Variants in TESC observed in about 807,000 individuals in gnomAD.
TESC encodes calcineurin B homologous protein 3.
TESC carries 19 observed loss-of-function variants against 31.0 expected under a neutral mutation model. That is an observed-to-expected ratio of 0.61 (90% CI 0.43 to 0.90). The LOEUF is 0.90. TESC is among the 40% of genes least tolerant of loss of function. The pLI is 0.00. For missense variants in TESC, 248 were observed against 303.8 expected (o/e 0.82, Z 1.36); for synonymous variants, 109 against 114.8 (o/e 0.95, Z 0.32).
chr12:117,079,885 T>G (rs1002454985), intron 1 of TESC, among the ~76,000 whole-genome samples: 1 of 152,208 alleles, frequency 6.6e-6, no homozygotes, highest in Non-Finnish European at 1.5e-5. Flanking sequence ...TCATGGTGTG[T>G]GAATTATATC....
intron 6 of TESC, among the ~76,000 whole-genome samples, chr12:117,043,005 A>G (rs1018839248): frequency 1.3e-5 from 2 of 152,048 alleles, no homozygotes; most frequent in South Asian, 2.1e-4. Context: ...GTTGATCTGT[A>G]TGTCTCACTC....
chr12:117,079,371 G>A (rs1955115230), intron 1 of TESC, among the ~76,000 whole-genome samples: 1 of 152,032 alleles, frequency 6.6e-6, no homozygotes, highest in Non-Finnish European at 1.5e-5. Flanking sequence ...AAACCAGCCT[G>A]GCCAACATGC....
intron 2 of TESC, among the ~76,000 whole-genome samples, chr12:117,059,100 G>T (rs1034118081): frequency 1.3e-5 from 2 of 152,236 alleles, no homozygotes; most frequent in African/African-American, 4.8e-5. Flanking sequence ...GAGGACGTCC[G>T]GGTGGGAAGT....
chr12:117,039,309 C>A, intron 7 of TESC, 99 bp from the exon 8 acceptor site: 1 of 1,142,296 alleles, frequency 8.8e-7, no homozygotes, highest in South Asian at 1.3e-5. Context: ...CCGTCTCCTG[C>A]CACCAACTGT....
chr12:117,048,829 G>A, intron 4 of TESC, 190 bp downstream of exon 4: 1 of 868,226 alleles, frequency 1.2e-6, no homozygotes. Flanking sequence ...GAATGTTTAG[G>A]ATGAAGGTGC....
chr12:117,085,404 AG>A (rs1036988868), intron 1 of TESC, among the ~76,000 whole-genome samples: 32 of 152,284 alleles, frequency 2.1e-4, no homozygotes, highest in African/African-American at 6.7e-4. Context: ...GCAGCCGCCC[AG>A]GGTGAGGGTC....
At chr12:117,064,474 C>T (rs1593006270) in intron 2 of TESC, among the ~76,000 whole-genome samples, 1 of 152,198 alleles carries the variant, frequency 6.6e-6, no homozygotes, top group African/African-American at 2.4e-5. Flanking sequence ...CAGTCCCCCA[C>T]TTTCCCCAAC....
chr12:117,079,418 C>A (rs138299449), intron 1 of TESC, among the ~76,000 whole-genome samples: 3 of 151,972 alleles, frequency 2.0e-5, no homozygotes, highest in African/African-American at 7.3e-5. Context: ...AAAAACTAGC[C>A]GAGAGTGGTG....
chr12:117,067,486 C>G (rs1378133896), intron 2 of TESC, among the ~76,000 whole-genome samples: 1 of 152,086 alleles, frequency 6.6e-6, no homozygotes, highest in Non-Finnish European at 1.5e-5. Flanking sequence ...GCAGGATGAT[C>G]GCTTGAGCCC....
chr12:117,046,501 C>T lies in TESC; in HGVS notation c.519+58G>A, dbSNP rs548422410. ...CCTGCCCCATGAGGCCTTCCAGAAACGCAGACCATAAGCGGGAAAGGCACT... is the reference window on the plus strand; with the variant it reads ...CCTGCCCCATGAGGCCTTCCAGAAATGCAGACCATAAGCGGGAAAGGCACT... On this transcript the variant is annotated intron_variant, in intron 6 of 7. Transcript: ENST00000335209. 119 of 1,479,040 alleles carry T rather than the reference C, an allele frequency of 8.0e-5. No homozygotes were observed. In the South Asian group the frequency reaches 1.3e-3, roughly 16 times the overall value. The allele number at this position is 1,479,040 out of a possible 1,614,324, so 91.6% of individuals were successfully genotyped here. A position where few individuals can be genotyped will look rare whatever the true frequency, so the allele number is the denominator to read the frequency against.
chr12:117,072,865 A>G (rs566596317), intron 2 of TESC, among the ~76,000 whole-genome samples: 7 of 152,272 alleles, frequency 4.6e-5, no homozygotes, highest in African/African-American at 1.4e-4. Context: ...GCAGTCTTGA[A>G]CCCCTGGGTT....
At position 117,054,084 on chromosome 12, in the gene TESC, A is replaced by AT. The variant is rs1357501081; in HGVS notation, c.209+2721dup. The AT allele has an allele frequency of 2.6e-5, 4 of 152,254 alleles. No individual in the cohort carries two copies. The East Asian group carries it at 7.7e-4, about 29-fold the overall frequency. 9.4% of individuals were successfully genotyped at this position (152,254 alleles called of 1,614,324 possible). On this transcript the variant is annotated intron_variant, in intron 3 of 7. Coordinates refer to ENST00000335209, the MANE Select transcript of TESC (RefSeq NM_017899.4). ...GCACACATGACAACTGGCTGTGAAG[A>AT]TTCCTGCGGTACCAGGTCTCTCACC...
chr12:117,095,414 G>A (rs184872259), intron 1 of TESC, among the ~76,000 whole-genome samples: 197 of 152,294 alleles, frequency 1.3e-3, no homozygotes, highest in African/African-American at 4.3e-3. Context: ...GCTCCCGTAC[G>A]TAAACACCTG....
At chr12:117,082,494 C>T (rs1412928220) in intron 1 of TESC, among the ~76,000 whole-genome samples, 10 of 145,530 alleles carry the variant, frequency 6.9e-5, no homozygotes, top group South Asian at 4.3e-4. Context: ...AAGAGTGAGA[C>T]TTTGTCTAAA....
intron 2 of TESC, among the ~76,000 whole-genome samples, chr12:117,066,448 T>C (rs1174444471): frequency 6.6e-6 from 1 of 150,764 alleles, no homozygotes; most frequent in African/African-American, 2.5e-5. Flanking sequence ...CTTGGCTCAC[T>C]GCAAGCTCCG....
chr12:117,050,576 A>G (rs1290968739), intron 3 of TESC, among the ~76,000 whole-genome samples: 1 of 152,248 alleles, frequency 6.6e-6, no homozygotes, highest in East Asian at 1.9e-4. Flanking sequence ...TGCCCGGCAC[A>G]CTGCCTGACA....
intron 1 of TESC, among the ~76,000 whole-genome samples, chr12:117,091,562 C>T (rs1388542105): frequency 2.6e-5 from 4 of 152,216 alleles, no homozygotes; most frequent in Non-Finnish European, 5.9e-5. Context: ...GGAGCGAGGA[C>T]GTCTTGGAGA....
chr12:117,062,124 C>T (rs947910980), intron 2 of TESC, among the ~76,000 whole-genome samples: 1 of 152,130 alleles, frequency 6.6e-6, no homozygotes, highest in Non-Finnish European at 1.5e-5. Context: ...AGCTAACCTA[C>T]GTACCCTCAA....
At chr12:117,086,235 A>C (rs1326744658) in intron 1 of TESC, among the ~76,000 whole-genome samples, 2 of 152,210 alleles carry the variant, frequency 1.3e-5, no homozygotes, top group East Asian at 3.9e-4. Flanking sequence ...AATCATTGTG[A>C]ATGTACTTAA....
Sources: gnomAD v4.1 joint callset for allele counts (sites outside exome capture counted in the v4.1 genomes callset) on GRCh38, gnomAD v4.1.1 for gene constraint, MANE v1.5 for transcripts, NCBI Gene and HGNC (gene_info 2026-07-23, HGNC 2026-07-21) for gene names.